The following KDR variants were observed in gnomAD, a reference collection of about 807,000 sequenced individuals.
KDR encodes kinase insert domain receptor.
Under a neutral mutation model 160.9 loss-of-function variants are expected in KDR, and 43 were observed. The observed-to-expected ratio is 0.27, with a 90% CI of 0.21 to 0.34. The LOEUF (loss-of-function observed/expected upper bound fraction) is 0.34, where lower values mean the gene tolerates loss of function less well. Ranked by LOEUF, KDR falls within the 10% of genes least tolerant of loss-of-function variation. The pLI is 1.00. For synonymous variants in KDR, 617 were observed against 600.1 expected (o/e 1.03, Z -0.41); for missense variants, 1,469 against 1,666.4 (o/e 0.88, Z 2.06).
chr4:55,098,149 G>A lies in KDR; in HGVS notation c.2497C>T (p.Arg833Trp), dbSNP rs1224362892. Residue 833 changes from arginine to tryptophan, a missense_variant, in exon 17 of 30, where the codon CGG becomes TGG. This residue lies in a region of KDR where 118 missense variants were observed against 110.8 expected (regional missense o/e 1.06). Transcript: ENST00000263923. ...ATTGAAAATGCACCTAGCTTCAGCCGGTCTCTGGGGAATTCCCATTTGCTG... is the reference window on the plus strand; with the variant it reads ...ATTGAAAATGCACCTAGCTTCAGCCAGTCTCTGGGGAATTCCCATTTGCTG... ...DASKWEFPRD[R>W]LKLGKPLGRG... 4.3e-6 allele frequency: 7 copies of A among 1,613,750 alleles called. No individual in the cohort carries two copies. Among genetic ancestry groups the A allele is most frequent in the Admixed American group, 1.7e-5 (1 of 59,980 alleles).
At position 55,102,332 on chromosome 4, in the gene KDR, A is replaced by G. The variant is rs202125431; in HGVS notation, c.2134+30T>C. 4,056 of 1,610,308 alleles carry G rather than the reference A, an allele frequency of 2.5e-3. 20 individuals carry two copies. The highest frequency in any genetic ancestry group is 2.1e-3 in the Non-Finnish European group (2,436 of 1,176,692). On this transcript the variant is annotated intron_variant, in intron 14 of 29. Transcript: ENST00000263923. ...ATAACATCCCTGGGAAAGTTCTGCAACCCAAGAGTGATAGCCAAATTCTAT... is the reference window on the plus strand; with the variant it reads ...ATAACATCCCTGGGAAAGTTCTGCAGCCCAAGAGTGATAGCCAAATTCTAT...
Position 55,125,289 on chromosome 4 carries a change from T to G in KDR, c.5A>C (p.Gln2Pro), listed in dbSNP as rs1560526887. 6.2e-7 allele frequency: 1 copy of G among 1,612,196 alleles called. No homozygotes were observed. The highest frequency in any genetic ancestry group is 2.2e-5 in the East Asian group (1 of 44,828). Residue 2 changes from glutamine (Q) to proline (P), a missense_variant, in exon 1 of 30, where the codon CAG becomes CCG. Gln to Pro is a moderately conservative substitution (Grantham distance 76). Transcript: ENST00000263923. ...GGCGACGGCCAGCAGCACCTTGCTC[T>G]GCATCCTGCACCTCGAGCCGGGCGA... M[Q>P]SKVLLAVALW...
rs191098136 is a variant in KDR at position 55,087,113 on chromosome 4, C to T, written c.3662+494G>A. On this transcript the variant is annotated intron_variant, in intron 27 of 29. Transcript: ENST00000263923. ...TGCAAATAAAATGCTGAAAATCAGACGTGGGAGGGGCTTCTGAGATGCAGT... is the reference window on the plus strand; with the variant it reads ...TGCAAATAAAATGCTGAAAATCAGATGTGGGAGGGGCTTCTGAGATGCAGT... Among the ~76,000 whole-genome samples the T allele has an allele frequency of 7.2e-5, 11 of 152,198 alleles. No individual in the cohort carries two copies. The South Asian group carries it at 8.3e-4, about 12-fold the overall frequency.
At chr4:55,118,570 A>T in intron 3 of KDR, 34 bp downstream of exon 3, 1 of 1,520,636 alleles carries the variant, frequency 6.6e-7, no homozygotes, top group Non-Finnish European at 9.1e-7. Flanking sequence ...ACTGGTAAAG[A>T]GACGTGGGAA....
intron 27 of KDR, among the ~76,000 whole-genome samples, chr4:55,082,887 C>G (rs763129470): frequency 1.3e-5 from 2 of 152,146 alleles, no homozygotes; most frequent in Non-Finnish European, 2.9e-5. Context: ...CTTCTGAGGT[C>G]CAGTTCTGGA....
At chr4:55,122,750 T>TA (rs1238853227) in intron 1 of KDR, 2 of 152,212 alleles carry the variant, frequency 1.3e-5, no homozygotes, top group Non-Finnish European at 2.9e-5. Context: ...GACTTATGTT[T>TA]AGAACAGTTT....
intron 11 of KDR, among the ~76,000 whole-genome samples, 177 bp from the exon 12 acceptor site, chr4:55,106,117 T>C (rs1720440378): frequency 6.6e-6 from 1 of 152,084 alleles, no homozygotes; most frequent in Non-Finnish European, 1.5e-5. Context: ...CTCAAAACGC[T>C]TGGGACCAAA....
chr4:55,079,047 AT>A lies in KDR; in HGVS notation c.*893del, dbSNP rs1486501963. ...TCTCAGACATATCACATCAGGACAG[AT>A]ATGAGGGTATTCATTCCAGAAGAAA... On this transcript the variant is annotated 3_prime_UTR_variant, in exon 30 of 30. Transcript: ENST00000263923. The A allele has an allele frequency of 1.7e-4, 39 of 233,314 alleles. No homozygotes were observed. The highest frequency in any genetic ancestry group is 8.1e-4 in the African/African-American group (37 of 45,482). The allele number at this position is 233,314 out of a possible 1,614,324, so 14.5% of individuals were successfully genotyped here.
At chr4:55,095,516 AC>A (rs1290524356) in intron 20 of KDR, 60 bp downstream of exon 20, 1 of 1,227,204 alleles carries the variant, frequency 8.1e-7, no homozygotes, top group Non-Finnish European at 1.2e-6. Context: ...ACTAACCTGT[AC>A]CATTTTGAGT....
chr4:55,106,824 A>G lies in KDR; in HGVS notation c.1413-14T>C, dbSNP rs1720456186. On this transcript the variant is annotated splice_polypyrimidine_tract_variant and intron_variant, in intron 10 of 29. Coordinates refer to ENST00000263923, the MANE Select transcript of KDR (RefSeq NM_002253.4). Reference sequence around the variant, plus strand: ...GAGACAGCTTGGCTATAAGAAAGAGATAACAGCGCATATTATGATTTAATT... The same window carrying G: ...GAGACAGCTTGGCTATAAGAAAGAGGTAACAGCGCATATTATGATTTAATT... 3.8e-6 allele frequency: 6 copies of G among 1,597,918 alleles called. No homozygotes were observed. The highest frequency in any genetic ancestry group is 5.1e-6 in the Non-Finnish European group (6 of 1,165,304).
intron 2 of KDR, 109 bp downstream of exon 2, chr4:55,120,988 A>C: frequency 1.4e-6 from 1 of 735,532 alleles, no homozygotes; most frequent in Non-Finnish European, 2.3e-6. Context: ...ACCACTTATG[A>C]ACAATTACTA....
At chr4:55,082,326 G>T (rs1371565045) in intron 28 of KDR, among the ~76,000 whole-genome samples, 1 of 152,124 alleles carries the variant, frequency 6.6e-6, no homozygotes, top group East Asian at 1.9e-4. Context: ...AGTGAAATTG[G>T]TCAGAAAGCT....
intron 27 of KDR, among the ~76,000 whole-genome samples, chr4:55,085,576 C>G (rs1025753224): frequency 2.6e-5 from 4 of 152,104 alleles, no homozygotes; most frequent in African/African-American, 9.7e-5. Flanking sequence ...GTGCAAATGC[C>G]TCTATCTGCT....
chr4:55,097,991 T>C (rs1055706429), intron 17 of KDR, 146 bp downstream of exon 17: 1 of 1,128,308 alleles, frequency 8.9e-7, no homozygotes, highest in Non-Finnish European at 1.3e-6. Context: ...AGTGGCTATA[T>C]GAATGATTAT....
rs576351345 is a variant in KDR, at chr4:55,110,330, G to A, written c.1255+73C>T. The A allele has an allele frequency of 8.4e-5, 124 of 1,479,476 alleles. No individual in the cohort carries two copies. The African/African-American group carries it at 1.3e-3, about 16-fold the overall frequency. The allele number at this position is 1,479,476 out of a possible 1,614,324, so 91.6% of individuals were successfully genotyped here. On this transcript the variant is annotated intron_variant, in intron 9 of 29. Transcript: ENST00000263923. ...GTGAAGCAGCAGGAGGCAGAGGAAC[G>A]GTGGTTTGGCTGATTTGGAAGACAA... is the stretch of plus-strand genomic sequence containing the variant.
intron 22 of KDR, among the ~76,000 whole-genome samples, chr4:55,090,441 C>T (rs1271057491): frequency 2.0e-5 from 3 of 152,138 alleles, no homozygotes; most frequent in Non-Finnish European, 4.4e-5. Context: ...GGTCCGAGAA[C>T]GGGATTTGTT....
intron 3 of KDR, among the ~76,000 whole-genome samples, chr4:55,116,434 A>T (rs76953053): frequency 2.2e-4 from 34 of 151,992 alleles, no homozygotes; most frequent in African/African-American, 8.2e-4. Context: ...AAAAAAAAAA[A>T]AAGATTTCAA....
intron 21 of KDR, among the ~76,000 whole-genome samples, chr4:55,094,590 C>CA (rs760685176): frequency 2.0e-5 from 3 of 152,224 alleles, no homozygotes; most frequent in Non-Finnish European, 4.4e-5. Flanking sequence ...CCAGATTTCT[C>CA]AGGCTAGCCC....
At chr4:55,096,724 C>A in intron 18 of KDR, 1 of 313,822 alleles carries the variant, frequency 3.2e-6, no homozygotes, top group Non-Finnish European at 6.1e-6. Flanking sequence ...GGAAGCAACA[C>A]CATGTATTAA....
Sources: gnomAD v4.1 joint callset for allele counts (sites outside exome capture counted in the v4.1 genomes callset) on GRCh38, gnomAD v4.1.1 for gene constraint, gnomAD v4.1.1 regional missense constraint, MANE v1.5 for transcripts, NCBI Gene and HGNC (gene_info 2026-07-23, HGNC 2026-07-21) for gene names.